Variants in PDE8B observed in about 807,000 individuals in gnomAD.
PDE8B encodes the protein phosphodiesterase 8B, also known as high affinity cAMP-specific and IBMX-insensitive 3',5'-cyclic phosphodiesterase 8B.
In PDE8B, 26 loss-of-function variants were observed where a neutral mutation model predicts 101.3. That is an observed-to-expected ratio of 0.26 (90% confidence interval 0.19 to 0.36). PDE8B has a LOEUF of 0.36. PDE8B is among the 10% of genes least tolerant of loss of function. The probability of loss-of-function intolerance (pLI) is 1.00; values close to 1 mark genes in which losing one functional copy is unlikely to be tolerated. For missense variants in PDE8B, 810 were observed against 1,163.1 expected, an observed-to-expected ratio of 0.70 and a Z score of 4.42; for synonymous variants, 424 against 429.3, an observed-to-expected ratio of 0.99 and a Z score of 0.15.
chr5:77,354,163 G>A (rs1051244822), intron 10 of PDE8B, among the ~76,000 whole-genome samples: 14 of 152,270 alleles, frequency 9.2e-5, no homozygotes, highest in African/African-American at 3.1e-4. Flanking sequence ...GTAGAGGATG[G>A]CAGAGATGTG....
intron 1 of PDE8B, among the ~76,000 whole-genome samples, chr5:77,249,126 C>G (rs1298764639): frequency 6.6e-6 from 1 of 152,224 alleles, no homozygotes; most frequent in Non-Finnish European, 1.5e-5. Flanking sequence ...TAACCAATAT[C>G]TGGCTGGAGA....
At position 77,240,216 on chromosome 5, in the gene PDE8B, C is replaced by T. The variant is rs539466134; in HGVS notation, c.339+28952C>T. Among the ~76,000 whole-genome samples the T allele has an allele frequency of 9.9e-5, 15 of 152,184 alleles. No homozygotes were observed. In the South Asian group the frequency reaches 3.1e-3, roughly 32 times the overall value. ...TTGCCCAGGCTGGAGTGCGGTGGCG[C>T]GATCCCGGCTCACTGCAAGCTCCGC... On this transcript the variant is annotated intron_variant, in intron 1 of 21. Coordinates refer to ENST00000264917, the MANE Select transcript of PDE8B (RefSeq NM_003719.5).
chr5:77,340,929 G>A (rs1196783582), intron 6 of PDE8B, among the ~76,000 whole-genome samples: 1 of 152,090 alleles, frequency 6.6e-6, no homozygotes, highest in Non-Finnish European at 1.5e-5. Flanking sequence ...AGGGAAAGTG[G>A]TGATATTACC....
intron 2 of PDE8B, among the ~76,000 whole-genome samples, chr5:77,314,970 A>C (rs74380640): frequency 6.6e-6 from 1 of 151,564 alleles, no homozygotes; most frequent in Non-Finnish European, 1.5e-5. Flanking sequence ...CCATTCCTCT[A>C]TTTTCTTTTG....
chr5:77,255,590 C>T (rs935567324), intron 1 of PDE8B, among the ~76,000 whole-genome samples: 2 of 152,224 alleles, frequency 1.3e-5, no homozygotes, highest in Non-Finnish European at 2.9e-5. Context: ...GCCCCGAACT[C>T]CCCTGGCTGA....
At chr5:77,422,093 T>A in intron 20 of PDE8B, 105 bp downstream of exon 20, 2 of 1,195,500 alleles carry the variant, frequency 1.7e-6, no homozygotes, top group Non-Finnish European at 2.4e-6. Flanking sequence ...ACCAATTAGT[T>A]AACCACTCCT....
intron 10 of PDE8B, among the ~76,000 whole-genome samples, chr5:77,356,503 C>T (rs1157375146): frequency 6.6e-6 from 1 of 152,190 alleles, no homozygotes; most frequent in African/African-American, 2.4e-5. Context: ...GATCTCAGCT[C>T]ACTGCAACCT....
chr5:77,349,472 G>A lies in PDE8B; in HGVS notation c.930G>A (p.Leu310=), dbSNP rs779551914. ...RMMGYHKGEL[L]GKELADLPKS... ...TGGGCTACCACAAAGGTGAGCTCCT[G>A]GGAAAAGAACTCGCTGATCTGCCCA... is the stretch of plus-strand genomic sequence containing the variant. The change falls in exon 8 of 22, where the codon CTG becomes CTA. Residue 310 remains leucine (L), a synonymous_variant. Coordinates refer to ENST00000264917, the MANE Select transcript of PDE8B (RefSeq NM_003719.5). 3 of 1,614,076 alleles carry A rather than the reference G, an allele frequency of 1.9e-6. No homozygotes were observed. Among genetic ancestry groups the A allele is most frequent in the Non-Finnish European group, 2.5e-6 (3 of 1,179,996 alleles).
intron 1 of PDE8B, among the ~76,000 whole-genome samples, chr5:77,250,428 AG>A (rs1333852653): frequency 6.6e-6 from 1 of 152,164 alleles, no homozygotes; most frequent in Non-Finnish European, 1.5e-5. Flanking sequence ...GGGGTATATG[AG>A]GACAAGGGAC....
At chr5:77,311,935 G>T in intron 1 of PDE8B, 59 bp from the exon 2 acceptor site, 1 of 1,297,392 alleles carries the variant, frequency 7.7e-7, no homozygotes, top group Non-Finnish European at 1.1e-6. Context: ...CGTAAGGAAG[G>T]ATGTATCCAT....
intron 2 of PDE8B, among the ~76,000 whole-genome samples, chr5:77,316,694 G>A (rs1773832698): frequency 6.6e-6 from 1 of 152,094 alleles, no homozygotes; most frequent in South Asian, 2.1e-4. Flanking sequence ...CTATAAATTT[G>A]AATGTATTAT....
chr5:77,302,335 G>A (rs1770152276), intron 1 of PDE8B, among the ~76,000 whole-genome samples: 1 of 152,224 alleles, frequency 6.6e-6, no homozygotes, highest in African/African-American at 2.4e-5. Flanking sequence ...TCTAGTAGTA[G>A]CACTTCTTAA....
chr5:77,120,183 G>T, the PDE8B span, among the ~76,000 whole-genome samples: 3 of 152,158 alleles, frequency 2.0e-5, no homozygotes, highest in African/African-American at 7.2e-5. Context: ...AAATAATATG[G>T]TATTTTCCTA....
intron 1 of PDE8B, chr5:77,290,169 C>A: frequency 7.0e-7 from 1 of 1,421,534 alleles, no homozygotes; most frequent in Non-Finnish European, 9.7e-7. Flanking sequence ...TCTGGTCTTA[C>A]ATTAAAAACC....
At chr5:77,184,598 C>T in the PDE8B span, among the ~76,000 whole-genome samples, 2 of 152,060 alleles carry the variant, frequency 1.3e-5, no homozygotes, top group African/African-American at 4.8e-5. Context: ...GTTTTTGGTA[C>T]CCTGGCTTTT....
intron 2 of PDE8B, among the ~76,000 whole-genome samples, chr5:77,322,574 G>A (rs759059014): frequency 2.6e-5 from 4 of 152,024 alleles, no homozygotes; most frequent in Non-Finnish European, 5.9e-5. Context: ...AACACACCAG[G>A]GGCTCATAGA....
chr5:77,282,247 T>C (rs1765153106), intron 1 of PDE8B, among the ~76,000 whole-genome samples: 1 of 152,016 alleles, frequency 6.6e-6, no homozygotes, highest in Admixed American at 6.6e-5. Flanking sequence ...TTCTTTTCTT[T>C]CCCAGATAGC....
chr5:77,168,394 C>T, the PDE8B span, among the ~76,000 whole-genome samples: 115 of 152,300 alleles, frequency 7.6e-4, no homozygotes, highest in African/African-American at 2.6e-3. Context: ...CCTCGGCTGC[C>T]GTCTGGGGAT....
intron 1 of PDE8B, among the ~76,000 whole-genome samples, chr5:77,296,262 CTTCTTCT>C (rs869058828): frequency 7.3e-5 from 11 of 150,858 alleles, no homozygotes; most frequent in Middle Eastern, 6.8e-3. Context: ...CCTTCTCCTT[CTTCTTCT>C]TTCTTCTTTC....
Sources: gnomAD v4.1 joint callset for allele counts (sites outside exome capture counted in the v4.1 genomes callset) on GRCh38, gnomAD v4.1.1 for gene constraint, MANE v1.5 for transcripts, NCBI Gene and HGNC (gene_info 2026-07-23, HGNC 2026-07-21) for gene names.